UFL1: variants seen among roughly 807,000 people sequenced by gnomAD.
UFL1 encodes E3 UFM1-protein ligase 1.
A neutral mutation model predicts 99.3 loss-of-function variants in UFL1; 78 were observed. That is an observed-to-expected ratio of 0.79 (90% CI 0.65 to 0.95). UFL1 has a LOEUF of 0.95. Among genes scored for constraint, UFL1 ranks in the 40% least tolerant of loss-of-function variants. The pLI is 0.00. For synonymous variants in UFL1, 335 were observed against 322.2 expected (o/e 1.04, Z -0.42); for missense variants, 936 against 937.0 (o/e 1.00, Z 0.01).
At chr6:96,537,337 T>A in intron 8 of UFL1, 37 bp from the exon 9 acceptor site, 1 of 1,499,170 alleles carries the variant, frequency 6.7e-7, no homozygotes, top group Non-Finnish European at 8.9e-7. Context: ...TTACATGTAA[T>A]TGACAATTCT....
chr6:96,548,770 AG>A (rs1456925668), intron 13 of UFL1, among the ~76,000 whole-genome samples: 2 of 151,738 alleles, frequency 1.3e-5, no homozygotes, highest in African/African-American at 4.8e-5. Flanking sequence ...ATAAAAATGA[AG>A]AAAATTATGT....
intron 5 of UFL1, 123 bp downstream of exon 5, chr6:96,526,558 T>A (rs1015317742): frequency 2.4e-5 from 18 of 755,850 alleles, no homozygotes; most frequent in Non-Finnish European, 3.9e-5. Context: ...TGCAGGTGTC[T>A]GACTTGATAT....
chr6:96,553,302 G>C lies in UFL1; in HGVS notation c.2184G>C (p.Leu728Phe). 6.2e-7 allele frequency: 1 copy of C among 1,613,214 alleles called. No individual in the cohort carries two copies. Among genetic ancestry groups the C allele is most frequent in the Non-Finnish European group, 8.5e-7 (1 of 1,179,592 alleles). Residue 728 changes from leucine to phenylalanine, a missense_variant, in exon 19 of 19, where the codon TTG (leucine) becomes TTC (phenylalanine). By Grantham distance (22) the Leu-to-Phe change is conservative. Coordinates refer to ENST00000369278, the MANE Select transcript of UFL1 (RefSeq NM_015323.5). ...TTTCACAGGATCAGCATGCTCTTTT[G>C]GTAAAGTATCAAGGTTTGGTTGTAA... ...SKIPEDQHALLVKYQGLVVKQ... is the reference protein window; with the variant it reads ...SKIPEDQHALFVKYQGLVVKQ...
rs1367198228 is a variant in UFL1, at chr6:96,521,833, G to T, written c.-41G>T. On this transcript the variant is annotated 5_prime_UTR_variant, in exon 1 of 19. Transcript: ENST00000369278. ...CTTCTCCCACCGCCTGTCGGCTGAC[G>T]TGTCTGCAGTTCCTCCGCGTCTACT... 10 of 1,591,674 alleles carry T rather than the reference G, an allele frequency of 6.3e-6. No homozygotes were observed. The highest frequency in any genetic ancestry group is 8.5e-6 in the Non-Finnish European group (10 of 1,169,612).
chr6:96,549,690 C>G lies in UFL1; in HGVS notation c.1709C>G (p.Thr570Ser), dbSNP rs761765154. 41 of 1,611,520 alleles carry G rather than the reference C, an allele frequency of 2.5e-5. No homozygotes were observed. Among genetic ancestry groups the G allele is most frequent in the Non-Finnish European group, 3.3e-5 (39 of 1,178,704 alleles). ...CCAGATGACACACAGGCTGCTCTTA[C>G]CAAACACTTGCTGAAGTCAGTGTGT... ...FFADDTQAALTKHLLKSVCTD... is the reference protein window; with the variant it reads ...FFADDTQAALSKHLLKSVCTD... Residue 570 changes from threonine (T) to serine (S), a missense_variant, in exon 15 of 19, where the codon ACC becomes AGC. Transcript: ENST00000369278.
In UFL1 at chr6:96,521,966, T is replaced by C. The variant is rs1166142848; in HGVS notation, c.77+16T>C. 6.2e-7 allele frequency: 1 copy of C among 1,608,416 alleles called. No individual in the cohort carries two copies. Among genetic ancestry groups the C allele is most frequent in the Non-Finnish European group, 8.5e-7 (1 of 1,177,610 alleles). On this transcript the variant is annotated intron_variant, in intron 1 of 18. Coordinates refer to ENST00000369278, the MANE Select transcript of UFL1 (RefSeq NM_015323.5). The stretch of plus-strand genomic sequence containing the variant: ...CCACGCAGAGGTGCCCGACCCTCCC[T>C]CTCCTTTGTGGAGCCCAAATTAGGC...
rs1185199157 is a variant in UFL1 at position 96,524,335 on chromosome 6, A to T, written c.224-47A>T. On this transcript the variant is annotated intron_variant, in intron 2 of 18. Transcript: ENST00000369278. ...TTAGAATTTATAGCTTTGGGTTGGT[A>T]TGTACGCATAGATCATTTAAAATAA... is the stretch of plus-strand genomic sequence containing the variant. 4 of 1,538,992 alleles carry T rather than the reference A, an allele frequency of 2.6e-6. No individual in the cohort carries two copies. In the Admixed American group the frequency reaches 7.8e-5, roughly 30 times the overall value.
At chr6:96,543,429 C>T (rs765289593) in intron 12 of UFL1, among the ~76,000 whole-genome samples, 7 of 151,182 alleles carry the variant, frequency 4.6e-5, no homozygotes, top group Middle Eastern at 3.4e-3. Context: ...CAGTGATAAA[C>T]GCTATGATAT....
intron 6 of UFL1, among the ~76,000 whole-genome samples, chr6:96,530,212 C>G (rs796127517): frequency 2.4e-4 from 37 of 152,254 alleles, no homozygotes; most frequent in African/African-American, 8.7e-4. Context: ...GACCTTGACA[C>G]TTTTGAAGAT....
In UFL1 at chr6:96,553,399, C is replaced by T; in HGVS notation, c.2281C>T (p.Gln761Ter). 6.2e-7 allele frequency: 1 copy of T among 1,613,746 alleles called. No individual in the cohort carries two copies. Among genetic ancestry groups the T allele is most frequent in the Non-Finnish European group, 8.5e-7 (1 of 1,179,830 alleles). The change falls in exon 19 of 19, where the codon CAA becomes TAA. Residue 761 changes from glutamine to a stop codon, truncating the protein, a stop_gained. Coordinates refer to ENST00000369278, the MANE Select transcript of UFL1 (RefSeq NM_015323.5). LOFTEE classifies it high-confidence loss of function. ...CTTGAATAATGAATTAGACAAAGAA[C>T]AAGAAGATGTTGCCAGTACTACTCG... ...YPLNNELDKE[Q>*]EDVASTTRKE...
rs115433896 is a variant in UFL1 at position 96,546,628 on chromosome 6, A to G, written c.1403-1536A>G. Among the ~76,000 whole-genome samples, 1,453 of 151,808 alleles carry G rather than the reference A, an allele frequency of 9.6e-3. 23 individuals are homozygous for G. The highest frequency in any genetic ancestry group is 0.033 in the African/African-American group (1,386 of 41,508). ...TGACTTCAAATTATACTACAAGGCTATAGTAACCAAAACAACATGGTACTG... is the reference window on the plus strand; with the variant it reads ...TGACTTCAAATTATACTACAAGGCTGTAGTAACCAAAACAACATGGTACTG... On this transcript the variant is annotated intron_variant, in intron 12 of 18. Transcript: ENST00000369278.
intron 13 of UFL1, among the ~76,000 whole-genome samples, chr6:96,548,490 A>G (rs554250493): frequency 6.6e-6 from 1 of 151,728 alleles, no homozygotes; most frequent in East Asian, 1.9e-4. Context: ...GTAAAGCAGT[A>G]TGGGAAATAA....
Position 96,551,881 on chromosome 6 carries a change from C to T in UFL1, c.1943C>T (p.Ala648Val), listed in dbSNP as rs779720329. ...TCTTGTCTGGATTCTGCAGCAGAAG[C>T]TTGTGATATTATGGTGAAAAGGGGA... ...FISCLDSAAEACDIMVKRGDK... is the reference protein window; with the variant it reads ...FISCLDSAAEVCDIMVKRGDK... The change falls in exon 17 of 19, where the codon GCT becomes GTT. Residue 648 changes from alanine (A) to valine (V), a missense_variant. By Grantham distance (64) the Ala-to-Val change is moderately conservative. Coordinates refer to ENST00000369278, the MANE Select transcript of UFL1 (RefSeq NM_015323.5). 4.2e-5 allele frequency: 67 copies of T among 1,608,836 alleles called. No individual in the cohort carries two copies. The East Asian group carries it at 1.5e-3, about 35-fold the overall frequency.
At chr6:96,527,681 G>A (rs953475747) in intron 5 of UFL1, among the ~76,000 whole-genome samples, 1 of 152,048 alleles carries the variant, frequency 6.6e-6, no homozygotes, top group Non-Finnish European at 1.5e-5. Context: ...CTTCTTTAAA[G>A]TATCCAGCTC....
intron 13 of UFL1, 21 bp from the exon 14 acceptor site, chr6:96,549,387 CTAAA>C: frequency 6.4e-7 from 1 of 1,554,118 alleles, no homozygotes; most frequent in Non-Finnish European, 8.7e-7. Context: ...TTTTAATAAA[CTAAA>C]TATATTTGTC....
Position 96,538,781 on chromosome 6 carries a change from C to T in UFL1, c.1129C>T (p.Arg377Cys), listed in dbSNP as rs759086750. 80 of 1,606,624 alleles carry T rather than the reference C, an allele frequency of 5.0e-5. 2 individuals carry two copies. The South Asian group carries it at 8.1e-4, about 16-fold the overall frequency. The change falls in exon 10 of 19, where the codon CGT becomes TGT. Residue 377 changes from arginine (R) to cysteine (C), a missense_variant. Transcript: ENST00000369278. ...TATAAATGACTGTACAGAACTGTTC[C>T]GTGAGCTGATGCACCAGAAAGCTGA... The part of the protein sequence containing the change: ...KFINDCTELF[R>C]ELMHQKAEKE...
intron 2 of UFL1, 68 bp from the exon 3 acceptor site, chr6:96,524,314 A>G: frequency 7.0e-7 from 1 of 1,436,462 alleles, no homozygotes. Flanking sequence ...TAAATGTTAG[A>G]ATTTATAGCT....
intron 7 of UFL1, among the ~76,000 whole-genome samples, chr6:96,535,765 T>A (rs1769844091): frequency 6.6e-6 from 1 of 152,042 alleles, no homozygotes; most frequent in Non-Finnish European, 1.5e-5. Context: ...ATGGAATAAC[T>A]CTTTAAACTG....
chr6:96,545,925 G>A (rs1769991678), intron 12 of UFL1, among the ~76,000 whole-genome samples: 1 of 151,150 alleles, frequency 6.6e-6, no homozygotes, highest in South Asian at 2.1e-4. Context: ...ATACTGAGTG[G>A]AGAAAAATTG....
Sources: gnomAD v4.1 joint callset for allele counts (sites outside exome capture counted in the v4.1 genomes callset) on GRCh38, gnomAD v4.1.1 for gene constraint, MANE v1.5 for transcripts, NCBI Gene and HGNC (gene_info 2026-07-23, HGNC 2026-07-21) for gene names.